The following OSBPL8 variants were observed in gnomAD, a reference collection of about 807,000 sequenced individuals.
The protein encoded by OSBPL8 is oxysterol binding protein like 8.
Under a neutral mutation model 125.5 loss-of-function variants are expected in OSBPL8, and 59 were observed. The ratio of observed to expected loss-of-function variants is 0.47; its 90% CI spans 0.38 to 0.58. The LOEUF is 0.58. OSBPL8 is among the 20% of genes least tolerant of loss of function. The pLI, the probability that OSBPL8 is intolerant of heterozygous loss-of-function variation, is 0.00. For synonymous variants in OSBPL8, 330 were observed against 338.9 expected (o/e 0.97, Z 0.29); for missense variants, 758 against 1,047.8 (o/e 0.72, Z 3.82).
chr12:76,462,422 A>G (rs1013119101), intron 2 of OSBPL8, among the ~76,000 whole-genome samples: 1 of 152,180 alleles, frequency 6.6e-6, no homozygotes, highest in African/African-American at 2.4e-5. Flanking sequence ...ATTTTTTTCA[A>G]GTTGAGGCAC....
intron 5 of OSBPL8, among the ~76,000 whole-genome samples, chr12:76,409,885 T>A (rs1954438828): frequency 6.6e-6 from 1 of 152,162 alleles, no homozygotes; most frequent in African/African-American, 2.4e-5. Context: ...GTCATTGAAG[T>A]TTGATTCCAT....
At chr12:76,458,019 C>A (rs940366523) in intron 3 of OSBPL8, among the ~76,000 whole-genome samples, 2 of 152,168 alleles carry the variant, frequency 1.3e-5, no homozygotes, top group African/African-American at 4.8e-5. Context: ...GCAATGTCAG[C>A]ATTTTGGGAA....
At chr12:76,537,952 C>G (rs1158767931) in intron 1 of OSBPL8, 7 of 152,128 alleles carry the variant, frequency 4.6e-5, no homozygotes, top group Admixed American at 4.6e-4. Flanking sequence ...GACAGTAATA[C>G]TGACCTTTAA....
chr12:76,420,460 G>A (rs940550590), intron 4 of OSBPL8, among the ~76,000 whole-genome samples: 1 of 152,062 alleles, frequency 6.6e-6, no homozygotes, highest in Non-Finnish European at 1.5e-5. Flanking sequence ...ATTGCATCAT[G>A]ACATCACTAT....
intron 4 of OSBPL8, among the ~76,000 whole-genome samples, chr12:76,433,556 T>A (rs1871100680): frequency 1.3e-5 from 2 of 152,188 alleles, no homozygotes; most frequent in Non-Finnish European, 1.5e-5. Context: ...AAGACACAGA[T>A]AAATGGAAAG....
intron 16 of OSBPL8, among the ~76,000 whole-genome samples, chr12:76,376,922 C>T (rs1358414787): frequency 6.6e-6 from 1 of 152,158 alleles, no homozygotes; most frequent in African/African-American, 2.4e-5. Context: ...CTATCCCTCC[C>T]CTTGCCCCCC....
intron 1 of OSBPL8, among the ~76,000 whole-genome samples, chr12:76,501,995 T>C (rs1394542583): frequency 6.6e-6 from 1 of 152,198 alleles, no homozygotes; most frequent in Non-Finnish European, 1.5e-5. Flanking sequence ...ACAGCAAATG[T>C]AGTACAGCAA....
chr12:76,413,478 A>G (rs982184450), intron 4 of OSBPL8, among the ~76,000 whole-genome samples: 1 of 152,226 alleles, frequency 6.6e-6, no homozygotes, highest in Non-Finnish European at 1.5e-5. Flanking sequence ...TTGGAAATGT[A>G]TCGTGGTAGA....
intron 2 of OSBPL8, chr12:76,485,898 G>C (rs1878078370): frequency 3.6e-6 from 1 of 277,120 alleles, no homozygotes; most frequent in Non-Finnish European, 7.2e-6. Context: ...AAGACCAAAA[G>C]TATTTGAGTT....
chr12:76,556,792 T>C (rs865782000), intron 1 of OSBPL8, among the ~76,000 whole-genome samples: 1 of 152,156 alleles, frequency 6.6e-6, no homozygotes, highest in African/African-American at 2.4e-5. Context: ...GCCTCCCAAG[T>C]AGCTGGGATT....
intron 1 of OSBPL8, among the ~76,000 whole-genome samples, chr12:76,526,736 C>T (rs767425646): frequency 3.4e-5 from 5 of 148,480 alleles, no homozygotes; most frequent in Middle Eastern, 3.5e-3. Flanking sequence ...CCACAACCTC[C>T]GCCTCCCGGG....
At chr12:76,475,792 T>C (rs1048074198) in intron 2 of OSBPL8, among the ~76,000 whole-genome samples, 1 of 152,196 alleles carries the variant, frequency 6.6e-6, no homozygotes, top group African/African-American at 2.4e-5. Flanking sequence ...AAGCCAGCCA[T>C]CTTTCTATGC....
intron 4 of OSBPL8, among the ~76,000 whole-genome samples, chr12:76,425,180 C>T (rs1023189588): frequency 1.2e-4 from 19 of 152,140 alleles, no homozygotes; most frequent in African/African-American, 4.6e-4. Context: ...CCCAGCCAAA[C>T]TATCAATTAC....
chr12:76,397,498 A>C (rs1953862107), intron 8 of OSBPL8, among the ~76,000 whole-genome samples, 196 bp downstream of exon 8: 1 of 152,148 alleles, frequency 6.6e-6, no homozygotes, highest in Non-Finnish European at 1.5e-5. Context: ...GCAATATAAA[A>C]AGTTAGACCT....
intron 9 of OSBPL8, 150 bp downstream of exon 9, chr12:76,394,495 T>C (rs183907322): frequency 1.4e-4 from 82 of 606,796 alleles, no homozygotes; most frequent in Non-Finnish European, 2.0e-4. Flanking sequence ...AAGTTACTCA[T>C]ATATTTAGCA....
intron 4 of OSBPL8, among the ~76,000 whole-genome samples, chr12:76,411,833 T>A (rs552327298): frequency 2.6e-5 from 4 of 152,166 alleles, no homozygotes; most frequent in Admixed American, 6.5e-5. Context: ...GAAACCTACA[T>A]CCCTATTAGA....
chr12:76,389,616 T>C, intron 12 of OSBPL8, 29 bp downstream of exon 12: 1 of 1,445,318 alleles, frequency 6.9e-7, no homozygotes. Flanking sequence ...TGAAGTATTG[T>C]CTATTTTAAG....
chr12:76,402,759 G>C lies in OSBPL8; in HGVS notation c.296C>G (p.Ser99Cys). Reference protein sequence around the residue: ...SLSMSKSKSESKLYNGSEKDS... With the variant: ...SLSMSKSKSECKLYNGSEKDS... ...CTTCTCTGAGCCATTATAAAGTTTA[G>C]ATTCAGACTGAAATCATACAGAAAC... Residue 99 changes from serine to cysteine, a missense_variant, in exon 6 of 24, where the codon TCT becomes TGT. This residue lies in a region of OSBPL8 where 117 missense variants were observed against 137.1 expected (regional missense o/e 0.85). Coordinates refer to ENST00000261183, the MANE Select transcript of OSBPL8 (RefSeq NM_020841.5). The C allele has an allele frequency of 6.3e-7, 1 of 1,591,968 alleles. No individual in the cohort carries two copies. The highest frequency in any genetic ancestry group is 8.6e-7 in the Non-Finnish European group (1 of 1,162,292).
At chr12:76,482,613 CA>C (rs138404186) in intron 2 of OSBPL8, among the ~76,000 whole-genome samples, 26,590 of 139,870 alleles carry the variant, frequency 0.19, 2,474 homozygotes, top group Middle Eastern at 0.26. Context: ...AACTCCGTTT[CA>C]AAAAAAAAAA....
Sources: allele counts gnomAD v4.1 joint callset (sites outside exome capture counted in the v4.1 genomes callset), GRCh38; gene constraint gnomAD v4.1.1; regional missense constraint gnomAD v4.1.1; transcripts MANE v1.5; gene names NCBI Gene and HGNC (gene_info 2026-07-23, HGNC 2026-07-21).